ARID2: variants seen among roughly 807,000 people sequenced by gnomAD.
The protein encoded by ARID2 is AT-rich interaction domain 2, also known as AT-rich interactive domain-containing protein 2.
In ARID2, 32 loss-of-function variants were observed where a neutral mutation model predicts 184.6. That is an observed-to-expected ratio of 0.17 (90% CI 0.13 to 0.23). The LOEUF (loss-of-function observed/expected upper bound fraction) is 0.23, where lower values mean the gene tolerates loss of function less well. ARID2 is among the 10% of genes least tolerant of loss of function. The pLI is 1.00. For missense variants in ARID2, 1,696 were observed against 2,197.6 expected (o/e 0.77, Z 4.56); for synonymous variants, 836 against 772.6 (o/e 1.08, Z -1.36).
intron 18 of ARID2, 81 bp from the exon 19 acceptor site, chr12:45,893,339 G>T (rs1460891000): frequency 6.7e-7 from 1 of 1,489,672 alleles, no homozygotes; most frequent in Non-Finnish European, 9.0e-7. Context: ...GCTTAAAGGG[G>T]TTGGCAGGGT....
intron 10 of ARID2, among the ~76,000 whole-genome samples, chr12:45,838,345 T>C (rs561457111): frequency 1.6e-4 from 24 of 152,326 alleles, no homozygotes; most frequent in South Asian, 8.3e-4. Context: ...ATAATAAATA[T>C]TAAAATCAGA....
At chr12:45,817,228 C>T (rs542559512) in intron 4 of ARID2, among the ~76,000 whole-genome samples, 4 of 152,072 alleles carry the variant, frequency 2.6e-5, no homozygotes, top group Non-Finnish European at 5.9e-5. Context: ...GTGGAGCCTT[C>T]CTGTAGTCCT....
Position 45,774,932 on chromosome 12 carries a change from T to C in ARID2, c.285-36486T>C, listed in dbSNP as rs145062485. Among the ~76,000 whole-genome samples, 832 of 152,264 alleles carry C rather than the reference T, an allele frequency of 5.5e-3. 7 individuals are homozygous for C. Among genetic ancestry groups the C allele is most frequent in the African/African-American group, 0.019 (793 of 41,546 alleles). On this transcript the variant is annotated intron_variant, in intron 3 of 20. Coordinates refer to ENST00000334344, the MANE Select transcript of ARID2 (RefSeq NM_152641.4). ...GGTAGTTTTGCTTCACAGAGAACAT[T>C]GGGCAATGTCTGGAGATATTTTTGA...
rs201529147 is a variant in ARID2 at position 45,831,369 on chromosome 12, GTTAT to G, written c.706-5212_706-5209del. Among the ~76,000 whole-genome samples, 99 of 152,072 alleles carry G rather than the reference GTTAT, an allele frequency of 6.5e-4. 1 individual carries two copies. The East Asian group carries it at 0.013, about 19-fold the overall frequency. ...TTCCACTGTGATTTCCTCTACGTGG[GTTAT>G]TTATTTAAGTTTTTAATTGTTATGG... On this transcript the variant is annotated intron_variant, in intron 6 of 20. Coordinates refer to ENST00000334344, the MANE Select transcript of ARID2 (RefSeq NM_152641.4).
intron 6 of ARID2, among the ~76,000 whole-genome samples, chr12:45,822,238 ACACCTGTAATCCCAG>A: frequency 6.6e-6 from 1 of 152,122 alleles, no homozygotes; most frequent in Non-Finnish European, 1.5e-5. Flanking sequence ...GTGGTGTCTC[ACACCTGTAATCCCAG>A]CACCTTAGGA....
At chr12:45,885,510 CTT>C (rs1944171132) in intron 16 of ARID2, among the ~76,000 whole-genome samples, 1 of 151,996 alleles carries the variant, frequency 6.6e-6, no homozygotes, top group Non-Finnish European at 1.5e-5. Flanking sequence ...ATGGAATACT[CTT>C]TGGCCACCAA....
intron 3 of ARID2, among the ~76,000 whole-genome samples, chr12:45,805,469 A>G (rs973015779): frequency 1.3e-5 from 2 of 152,020 alleles, no homozygotes; most frequent in Non-Finnish European, 2.9e-5. Context: ...ATAGTTTTAT[A>G]TCTTTATATT....
chr12:45,898,429 T>C (rs1293252907), intron 20 of ARID2, among the ~76,000 whole-genome samples: 2 of 152,312 alleles, frequency 1.3e-5, no homozygotes, highest in East Asian at 3.9e-4. Context: ...GTTAAAATAG[T>C]ACGTTTTATG....
At chr12:45,871,640 C>T (rs941827931) in intron 16 of ARID2, among the ~76,000 whole-genome samples, 2 of 152,126 alleles carry the variant, frequency 1.3e-5, no homozygotes, top group Admixed American at 6.5e-5. Context: ...AAAGTGTTCC[C>T]TCTGCTTCTA....
At chr12:45,802,667 T>C (rs1267757153) in intron 3 of ARID2, among the ~76,000 whole-genome samples, 1 of 152,068 alleles carries the variant, frequency 6.6e-6, no homozygotes, top group Non-Finnish European at 1.5e-5. Context: ...CTTCTCAAGA[T>C]TGGCATCACT....
intron 2 of ARID2, among the ~76,000 whole-genome samples, chr12:45,730,394 C>T (rs1308491644): frequency 1.4e-5 from 2 of 144,008 alleles, no homozygotes; most frequent in African/African-American, 5.0e-5. Flanking sequence ...GGTGCCCGGT[C>T]GGGCCGGCGG....
intron 2 of ARID2, 50 bp downstream of exon 2, chr12:45,730,187 A>T: frequency 6.3e-7 from 1 of 1,592,712 alleles, no homozygotes; most frequent in Non-Finnish European, 8.6e-7. Context: ...CTCCTCCAAA[A>T]AGTCTCCTTT....
intron 20 of ARID2, among the ~76,000 whole-genome samples, chr12:45,902,489 T>TG (rs1273458929): frequency 6.6e-6 from 1 of 152,044 alleles, no homozygotes; most frequent in Non-Finnish European, 1.5e-5. Context: ...TCATTGATTG[T>TG]GGGGAAAAAC....
intron 11 of ARID2, chr12:45,841,870 T>C (rs1943347529): frequency 6.6e-6 from 1 of 152,334 alleles, no homozygotes. Context: ...TGAGATTCTT[T>C]TTTATTCATC....
At chr12:45,784,326 T>C (rs566801390) in intron 3 of ARID2, among the ~76,000 whole-genome samples, 2 of 152,228 alleles carry the variant, frequency 1.3e-5, no homozygotes, top group African/African-American at 4.8e-5. Flanking sequence ...CAGCCAAATA[T>C]GCAAAACTTA....
At chr12:45,899,787 T>C (rs765665040) in intron 20 of ARID2, among the ~76,000 whole-genome samples, 3,546 of 84,340 alleles carry the variant, frequency 0.042, 114 homozygotes, top group African/African-American at 0.058. Context: ...TACCCCCCCC[T>C]CCCACCTCCA....
At chr12:45,735,678 G>A (rs897879808) in intron 3 of ARID2, among the ~76,000 whole-genome samples, 3 of 152,082 alleles carry the variant, frequency 2.0e-5, no homozygotes, top group Admixed American at 6.5e-5. Context: ...ATTCTGTTAC[G>A]TTTTTAAAGG....
At chr12:45,774,029 A>G (rs1356276622) in intron 3 of ARID2, among the ~76,000 whole-genome samples, 1 of 152,250 alleles carries the variant, frequency 6.6e-6, no homozygotes, top group African/African-American at 2.4e-5. Context: ...CCTGCATTCA[A>G]TTATCTTGTA....
chr12:45,758,353 A>G (rs1028042402), intron 3 of ARID2, among the ~76,000 whole-genome samples: 2 of 151,880 alleles, frequency 1.3e-5, no homozygotes, highest in Non-Finnish European at 2.9e-5. Context: ...TTAAAACATT[A>G]TGACATTTTT....
Sources: gnomAD v4.1 joint callset for allele counts (sites outside exome capture counted in the v4.1 genomes callset) on GRCh38, gnomAD v4.1.1 for gene constraint, MANE v1.5 for transcripts, NCBI Gene and HGNC (gene_info 2026-07-23, HGNC 2026-07-21) for gene names.